Variants in PEAK1 observed in about 807,000 individuals in gnomAD.
The protein encoded by PEAK1 is inactive tyrosine-protein kinase PEAK1.
A neutral mutation model predicts 124.7 loss-of-function variants in PEAK1; 54 were observed. The observed-to-expected ratio is 0.43, with a 90% CI of 0.35 to 0.54. The LOEUF is 0.54. Ranked by LOEUF, PEAK1 falls within the 20% of genes least tolerant of loss-of-function variation. The pLI is 0.01. For synonymous variants in PEAK1, 719 were observed against 760.0 expected, an observed-to-expected ratio of 0.95 and a Z score of 0.89; for missense variants, 2,046 against 2,134.5, an observed-to-expected ratio of 0.96 and a Z score of 0.82.
chr15:77,381,461 C>G (rs2069475542), intron 1 of PEAK1: 1 of 966,310 alleles, frequency 1.0e-6, no homozygotes, highest in Non-Finnish European at 1.2e-6. Context: ...AAGAATAAGG[C>G]AATGGCTCTA....
intron 5 of PEAK1, among the ~76,000 whole-genome samples, chr15:77,256,489 T>C (rs2152930940): frequency 6.6e-6 from 1 of 152,170 alleles, no homozygotes; most frequent in African/African-American, 2.4e-5. Flanking sequence ...TTTTTAATCA[T>C]AAAGTAAGGG....
intron 1 of PEAK1, among the ~76,000 whole-genome samples, chr15:77,416,982 T>C (rs144049615): frequency 8.5e-5 from 13 of 152,348 alleles, no homozygotes; most frequent in African/African-American, 3.1e-4. Context: ...TTAAATTTTA[T>C]AGGACAGCAC....
intron 2 of PEAK1, among the ~76,000 whole-genome samples, chr15:77,361,729 T>C (rs964319126): frequency 1.2e-4 from 18 of 152,166 alleles, no homozygotes; most frequent in Non-Finnish European, 1.9e-4. Flanking sequence ...ACAGTGAATC[T>C]ATCCAAAGAC....
intron 2 of PEAK1, among the ~76,000 whole-genome samples, chr15:77,339,567 G>A (rs930795779): frequency 7.9e-5 from 12 of 151,970 alleles, no homozygotes; most frequent in Admixed American, 7.2e-4. Flanking sequence ...CATTTTACAA[G>A]GTAACACAGA....
chr15:77,110,347 C>G lies in PEAK1; in HGVS notation c.*3809G>C, dbSNP rs575140213. 2.0e-5 allele frequency: 3 copies of G among 152,338 alleles called. No homozygotes were observed. The South Asian group carries it at 6.2e-4, about 32-fold the overall frequency. The allele number at this position is 152,338 out of a possible 1,614,324, so 9.4% of individuals were successfully genotyped here. A position where few individuals can be genotyped will look rare whatever the true frequency, so the allele number is the denominator to read the frequency against. ...ACCTCAGGTGATCTGCCCACCTCGC[C>G]CTCCTAAAGTGTTGGGATTACAGGC... On this transcript the variant is annotated 3_prime_UTR_variant, in exon 10 of 10. Coordinates refer to ENST00000682557, the MANE Select transcript of PEAK1 (RefSeq NM_001385026.1).
At chr15:77,172,732 C>T (rs1332257131) in intron 7 of PEAK1, among the ~76,000 whole-genome samples, 1 of 152,078 alleles carries the variant, frequency 6.6e-6, no homozygotes, top group Non-Finnish European at 1.5e-5. Flanking sequence ...ACAGGTACTC[C>T]TGGGTTGAGA....
At chr15:77,232,967 G>A (rs567393273) in intron 6 of PEAK1, among the ~76,000 whole-genome samples, 2 of 152,050 alleles carry the variant, frequency 1.3e-5, no homozygotes, top group African/African-American at 4.8e-5. Context: ...GGCTGGTCTC[G>A]GACTCCTAAC....
At chr15:77,229,073 T>C (rs2059797062) in intron 6 of PEAK1, among the ~76,000 whole-genome samples, 1 of 152,172 alleles carries the variant, frequency 6.6e-6, no homozygotes, top group Non-Finnish European at 1.5e-5. Flanking sequence ...TTCCCCATTC[T>C]GAACCAGGCA....
chr15:77,369,497 A>G (rs1015207306), intron 1 of PEAK1, among the ~76,000 whole-genome samples: 1 of 152,196 alleles, frequency 6.6e-6, no homozygotes, highest in African/African-American at 2.4e-5. Context: ...TGATCAAACT[A>G]TAGCCTAAGA....
chr15:77,199,664 T>C (rs1280089887), intron 6 of PEAK1, among the ~76,000 whole-genome samples: 1 of 152,086 alleles, frequency 6.6e-6, no homozygotes, highest in Non-Finnish European at 1.5e-5. Flanking sequence ...ATGGCAAAAA[T>C]AGTGTAGGGT....
chr15:77,207,894 T>A (rs2058736994), intron 6 of PEAK1, among the ~76,000 whole-genome samples: 1 of 152,164 alleles, frequency 6.6e-6, no homozygotes, highest in Admixed American at 6.5e-5. Context: ...CCAGTTAGGC[T>A]TCCAATTTTT....
At chr15:77,286,209 T>G (rs1260732809) in intron 3 of PEAK1, among the ~76,000 whole-genome samples, 2 of 152,190 alleles carry the variant, frequency 1.3e-5, no homozygotes, top group Non-Finnish European at 2.9e-5. Context: ...CTAATTTGAT[T>G]GCACTGTGGT....
At chr15:77,274,298 T>TTC (rs199735965) in intron 5 of PEAK1, among the ~76,000 whole-genome samples, 1,643 of 152,184 alleles carry the variant, frequency 0.011, 21 homozygotes, top group Middle Eastern at 0.017. Context: ...ACGAAAAAGC[T>TTC]TCTGCACAGC....
Position 77,220,024 on chromosome 15 carries a change from A to G in PEAK1, c.-115+32343T>C, listed in dbSNP as rs895833012. On this transcript the variant is annotated intron_variant, in intron 6 of 9. Transcript: ENST00000682557. The stretch of plus-strand genomic sequence containing the variant: ...CATCAACATTTCCTCCCTCTTCCAC[A>G]AAAAGAATTTACAGATGTTAGCAAT... 1.5e-3 allele frequency among the ~76,000 whole-genome samples: 223 copies of G among 152,248 alleles called. 1 individual carries two copies. The highest frequency in any genetic ancestry group is 5.2e-3 in the African/African-American group (217 of 41,572).
intron 6 of PEAK1, among the ~76,000 whole-genome samples, chr15:77,214,897 G>C (rs754697303): frequency 2.6e-5 from 4 of 152,096 alleles, no homozygotes; most frequent in African/African-American, 4.8e-5. Flanking sequence ...CTCCCACCAG[G>C]CCTCTAACAC....
At chr15:77,277,181 T>A (rs1422634330) in intron 5 of PEAK1, among the ~76,000 whole-genome samples, 1 of 152,176 alleles carries the variant, frequency 6.6e-6, no homozygotes. Flanking sequence ...TCAACTTAGA[T>A]GGATCTCAAG....
intron 6 of PEAK1, among the ~76,000 whole-genome samples, chr15:77,183,487 T>C (rs928900544): frequency 3.3e-5 from 5 of 152,200 alleles, no homozygotes; most frequent in African/African-American, 1.2e-4. Context: ...TAGATGAACA[T>C]TTGTAATCAA....
intron 2 of PEAK1, among the ~76,000 whole-genome samples, chr15:77,306,398 T>G (rs2064104962): frequency 6.6e-6 from 1 of 152,138 alleles, no homozygotes; most frequent in South Asian, 2.1e-4. Context: ...AGAAATTATT[T>G]GGTTTACCTG....
chr15:77,341,113 A>G (rs911151846), intron 2 of PEAK1, among the ~76,000 whole-genome samples: 1 of 152,116 alleles, frequency 6.6e-6, no homozygotes, highest in African/African-American at 2.4e-5. Context: ...CACATAGGAC[A>G]AGGTCTTAGA....
Sources: gnomAD v4.1 joint callset for allele counts (sites outside exome capture counted in the v4.1 genomes callset) on GRCh38, gnomAD v4.1.1 for gene constraint, MANE v1.5 for transcripts, NCBI Gene and HGNC (gene_info 2026-07-23, HGNC 2026-07-21) for gene names.